Variants in GRID2 observed in about 807,000 individuals in gnomAD.
The protein encoded by GRID2 is glutamate receptor ionotropic, delta-2.
GRID2 carries 33 observed loss-of-function variants against 114.8 expected under a neutral mutation model. The ratio of observed to expected loss-of-function variants is 0.29; its 90% CI spans 0.22 to 0.38. GRID2 has a LOEUF of 0.38. Among genes scored for constraint, GRID2 ranks in the 10% least tolerant of loss-of-function variants. GRID2 has a pLI of 1.00. For synonymous variants in GRID2, 505 were observed against 449.9 expected, an observed-to-expected ratio of 1.12 and a Z score of -1.55; for missense variants, 1,184 against 1,257.7, an observed-to-expected ratio of 0.94 and a Z score of 0.89.
rs962144730 is a variant in GRID2, at chr4:93,103,901, C to CA, written c.530-6842dup. ...CTGATCCCATAGAAATGGGATTGAGCAAAAATCTTCATTTTTTTTTTTTTT... is the reference window on the plus strand; with the variant it reads ...CTGATCCCATAGAAATGGGATTGAGCAAAAAATCTTCATTTTTTTTTTTTTT... On this transcript the variant is annotated intron_variant, in intron 3 of 15. Coordinates refer to ENST00000282020, the MANE Select transcript of GRID2 (RefSeq NM_001510.4). 8.1e-5 allele frequency among the ~76,000 whole-genome samples: 12 copies of CA among 149,058 alleles called. No individual in the cohort carries two copies. In the Admixed American group the frequency reaches 8.1e-4, roughly 10 times the overall value.
intron 8 of GRID2, among the ~76,000 whole-genome samples, chr4:93,246,219 T>C (rs1030094498): frequency 2.6e-5 from 4 of 152,178 alleles, no homozygotes; most frequent in Admixed American, 2.0e-4. Flanking sequence ...AAATCTGCCA[T>C]CTTCAATTAC....
At chr4:92,552,559 G>A (rs1726645586) in intron 1 of GRID2, among the ~76,000 whole-genome samples, 2 of 152,130 alleles carry the variant, frequency 1.3e-5, no homozygotes, top group Admixed American at 1.3e-4. Context: ...GAAGAGAAGA[G>A]ATGGAAACTA....
intron 4 of GRID2, among the ~76,000 whole-genome samples, chr4:93,163,931 A>G (rs1290452840): frequency 2.6e-5 from 4 of 152,004 alleles, no homozygotes; most frequent in Non-Finnish European, 4.4e-5. Flanking sequence ...AGATTAATAC[A>G]GAAGTTATAG....
intron 14 of GRID2, among the ~76,000 whole-genome samples, chr4:93,723,993 A>G (rs1264085614): frequency 6.6e-6 from 1 of 152,206 alleles, no homozygotes; most frequent in African/African-American, 2.4e-5. Flanking sequence ...CTGTCAACAT[A>G]CAAACATTCT....
intron 2 of GRID2, among the ~76,000 whole-genome samples, chr4:93,005,691 T>C (rs913514148): frequency 1.2e-4 from 18 of 152,062 alleles, no homozygotes; most frequent in Admixed American, 8.5e-4. Flanking sequence ...TCATAGTATA[T>C]ACATGCAATG....
chr4:93,075,425 G>A (rs1729172913), intron 2 of GRID2, among the ~76,000 whole-genome samples: 1 of 152,098 alleles, frequency 6.6e-6, no homozygotes, highest in South Asian at 2.1e-4. Flanking sequence ...GGGGAAGGGT[G>A]GCTGCTATTA....
chr4:92,351,877 A>G (rs567886427), intron 1 of GRID2, among the ~76,000 whole-genome samples: 1 of 152,040 alleles, frequency 6.6e-6, no homozygotes, highest in East Asian at 1.9e-4. Flanking sequence ...ATGTGTATAT[A>G]TACCACATTT....
intron 2 of GRID2, among the ~76,000 whole-genome samples, chr4:92,757,417 C>T (rs1397444744): frequency 6.6e-6 from 1 of 152,020 alleles, no homozygotes; most frequent in East Asian, 1.9e-4. Flanking sequence ...TGAATGTTGA[C>T]AAAAATATTT....
chr4:92,659,664 G>A (rs1242570761), intron 2 of GRID2, among the ~76,000 whole-genome samples: 1 of 151,460 alleles, frequency 6.6e-6, no homozygotes, highest in African/African-American at 2.4e-5. Context: ...TTTGGGACAA[G>A]GATGTGGGGG....
At chr4:92,807,268 T>C (rs1578217186) in intron 2 of GRID2, among the ~76,000 whole-genome samples, 1 of 152,028 alleles carries the variant, frequency 6.6e-6, no homozygotes, top group South Asian at 2.1e-4. Flanking sequence ...TTCTGGAATA[T>C]CTATATATTG....
intron 2 of GRID2, among the ~76,000 whole-genome samples, chr4:92,798,718 G>C (rs1352301019): frequency 1.3e-5 from 2 of 151,954 alleles, no homozygotes; most frequent in African/African-American, 2.4e-5. Context: ...CTGTTTATTT[G>C]TTAATAAGTA....
chr4:93,103,766 A>C (rs148924847), intron 3 of GRID2, among the ~76,000 whole-genome samples: 2 of 152,082 alleles, frequency 1.3e-5, no homozygotes, highest in African/African-American at 4.8e-5. Flanking sequence ...TCTGTAACAC[A>C]AAGAAGGTTA....
intron 2 of GRID2, among the ~76,000 whole-genome samples, chr4:92,688,284 A>G (rs1734019508): frequency 6.6e-6 from 1 of 151,606 alleles, no homozygotes; most frequent in Non-Finnish European, 1.5e-5. Context: ...TCCCGACCTC[A>G]GGTGATCTGC....
At chr4:93,297,542 A>G (rs1241410772) in intron 8 of GRID2, among the ~76,000 whole-genome samples, 1 of 152,216 alleles carries the variant, frequency 6.6e-6, no homozygotes, top group African/African-American at 2.4e-5. Flanking sequence ...GCAATGAGAC[A>G]TGCTCAATGT....
At chr4:92,747,721 C>G (rs949125011) in intron 2 of GRID2, among the ~76,000 whole-genome samples, 1 of 152,162 alleles carries the variant, frequency 6.6e-6, no homozygotes, top group Non-Finnish European at 1.5e-5. Flanking sequence ...TAATCCTACC[C>G]TGATCCTATT....
intron 4 of GRID2, among the ~76,000 whole-genome samples, chr4:93,119,732 T>G (rs75372208): frequency 6.6e-6 from 1 of 152,340 alleles, no homozygotes; most frequent in Non-Finnish European, 1.5e-5. Context: ...AAGGCAAAGT[T>G]ACATATTTCA....
chr4:92,970,689 G>T (rs1198860468), intron 2 of GRID2, among the ~76,000 whole-genome samples: 3 of 151,808 alleles, frequency 2.0e-5, no homozygotes, highest in African/African-American at 7.2e-5. Context: ...AAATAATTTT[G>T]TTAAATTCCA....
intron 4 of GRID2, among the ~76,000 whole-genome samples, chr4:93,154,159 A>ACCC (rs1381357448): frequency 5.9e-5 from 9 of 152,068 alleles, no homozygotes; most frequent in Non-Finnish European, 1.3e-4. Flanking sequence ...CACCCTCAGG[A>ACCC]GTAATGATAC....
intron 8 of GRID2, among the ~76,000 whole-genome samples, chr4:93,260,748 G>T (rs1750165955): frequency 1.3e-5 from 2 of 151,820 alleles, no homozygotes; most frequent in East Asian, 1.9e-4. Flanking sequence ...TGATCATAGG[G>T]TTTCTGATTC....
Sources: allele counts gnomAD v4.1 joint callset (sites outside exome capture counted in the v4.1 genomes callset), GRCh38; gene constraint gnomAD v4.1.1; transcripts MANE v1.5; gene names NCBI Gene and HGNC (gene_info 2026-07-23, HGNC 2026-07-21).